The following IRAG1 variants were observed in gnomAD, a reference collection of about 807,000 sequenced individuals.
IRAG1 encodes the protein inositol 1,4,5-triphosphate receptor associated 1, also known as IP3R-associated cGMP kinase substrate.
Under a neutral mutation model 106.2 loss-of-function variants are expected in IRAG1, and 62 were observed. The observed-to-expected ratio is 0.58, with a 90% CI of 0.48 to 0.72. IRAG1 has a LOEUF of 0.72. IRAG1 is among the 30% of genes least tolerant of loss of function. IRAG1 has a pLI of 0.00. For synonymous variants in IRAG1, 462 were observed against 443.9 expected (o/e 1.04, Z -0.51); for missense variants, 1,064 against 1,140.7 (o/e 0.93, Z 0.97).
chr11:10,609,684 G>A (rs763065684), intron 11 of IRAG1, 44 bp downstream of exon 11: 28 of 1,583,932 alleles, frequency 1.8e-5, no homozygotes, highest in Non-Finnish European at 2.2e-5. Flanking sequence ...CAACACAGGG[G>A]CCACTCGGTA....
intron 18 of IRAG1, chr11:10,588,960 T>C (rs868600496): frequency 6.6e-6 from 1 of 152,236 alleles, no homozygotes; most frequent in Non-Finnish European, 1.5e-5. Flanking sequence ...CTTTGTTTTC[T>C]CTTCATCTTC....
rs140610545 is a variant in IRAG1, at chr11:10,641,498, C to T, written c.226-7427G>A. ...TTCACCCGGCTCCACTCCCTCTCACCCTCTGCCTCTCAAACCAATCAATGC... is the reference window on the plus strand; with the variant it reads ...TTCACCCGGCTCCACTCCCTCTCACTCTCTGCCTCTCAAACCAATCAATGC... On this transcript the variant is annotated intron_variant, in intron 2 of 20. Coordinates refer to ENST00000423302, the MANE Select transcript of IRAG1 (RefSeq NM_130385.4). Among the ~76,000 whole-genome samples the T allele has an allele frequency of 3.0e-3, 457 of 152,324 alleles. 4 individuals are homozygous for T. The highest frequency in any genetic ancestry group is 0.01 in the African/African-American group (429 of 41,564).
chr11:10,580,591 TG>T lies in IRAG1; in HGVS notation c.2361-3del, dbSNP rs1409077791. 1.2e-6 allele frequency: 2 copies of T among 1,611,304 alleles called. No individual in the cohort carries two copies. The highest frequency in any genetic ancestry group is 2.2e-5 in the South Asian group (2 of 90,610). ...GTCTTCTTTAGACCTTCTTGGAATCTGGGGGGCAAAAAGGAACAGTTGAGTC... is the reference window on the plus strand; with the variant it reads ...GTCTTCTTTAGACCTTCTTGGAATCTGGGGGCAAAAAGGAACAGTTGAGTC... On this transcript the variant is annotated splice_polypyrimidine_tract_variant and splice_region_variant and intron_variant, in intron 19 of 20. Coordinates refer to ENST00000423302, the MANE Select transcript of IRAG1 (RefSeq NM_130385.4).
Position 10,575,833 on chromosome 11 carries a change from A to G in IRAG1, c.*499T>C, listed in dbSNP as rs1391007117. On this transcript the variant is annotated 3_prime_UTR_variant, in exon 21 of 21. Transcript: ENST00000423302. ...AAAGAATGGGAGGCTGAAGTTATTG[A>G]AAATGAGATGGGAAATGGGAAGATA... 1 of 154,550 alleles carries G rather than the reference A, an allele frequency of 6.5e-6. No individual in the cohort carries two copies. Among genetic ancestry groups the G allele is most frequent in the Non-Finnish European group, 1.4e-5 (1 of 69,436 alleles). The allele number at this position is 154,550 out of a possible 1,614,324, so 9.6% of individuals were successfully genotyped here. A position where few individuals can be genotyped will look rare whatever the true frequency, so the allele number is the denominator to read the frequency against.
chr11:10,612,208 T>C (rs765785211), intron 10 of IRAG1, among the ~76,000 whole-genome samples: 6 of 152,162 alleles, frequency 3.9e-5, no homozygotes, highest in Non-Finnish European at 5.9e-5. Flanking sequence ...TTGGGAAGCA[T>C]TGGGTCAAGT....
At chr11:10,649,563 GCA>G (rs992162516) in intron 2 of IRAG1, among the ~76,000 whole-genome samples, 15 of 152,192 alleles carry the variant, frequency 9.9e-5, no homozygotes, top group African/African-American at 3.6e-4. Context: ...TGGTATGACT[GCA>G]CAGTTTACAT....
Position 10,600,851 on chromosome 11 carries a change from T to A in IRAG1, c.2017+67A>T, listed in dbSNP as rs1026798182. 8 of 1,594,386 alleles carry A rather than the reference T, an allele frequency of 5.0e-6. No individual in the cohort carries two copies. In the Admixed American group the frequency reaches 1.4e-4, roughly 27 times the overall value. On this transcript the variant is annotated intron_variant, in intron 15 of 20. Transcript: ENST00000423302. ...CCTGGGGCTGTTCTGACAGCTCTAA[T>A]CCTAGCCAAGAGCTCTTGGAAGTCC...
chr11:10,583,466 A>T (rs1851598484), intron 18 of IRAG1, among the ~76,000 whole-genome samples: 1 of 152,208 alleles, frequency 6.6e-6, no homozygotes, highest in South Asian at 2.1e-4. Flanking sequence ...AAGCGTGCAG[A>T]CAAGGTGACT....
intron 11 of IRAG1, among the ~76,000 whole-genome samples, chr11:10,607,442 C>T (rs987967625): frequency 1.3e-5 from 2 of 152,184 alleles, no homozygotes; most frequent in East Asian, 3.9e-4. Flanking sequence ...TTGAGCAGCT[C>T]CTCGTCTGTG....
chr11:10,593,674 GCCT>G, intron 16 of IRAG1, 75 bp from the exon 17 acceptor site: 2 of 1,126,706 alleles, frequency 1.8e-6, no homozygotes, highest in South Asian at 2.7e-5. Context: ...CTGGGAAAAA[GCCT>G]CCTCATTTCT....
Position 10,601,022 on chromosome 11 carries a change from T to A in IRAG1, c.1913A>T (p.Gln638Leu), listed in dbSNP as rs1359721878. The part of the protein sequence containing the change: ...RMSKATEVMM[Q>L]YVENLKRTYE... ...CGTCCTCTTTAGATTCTCCACATACTGCATCATCACTTCCGTTGCTTTCGA... is the reference window on the plus strand; with the variant it reads ...CGTCCTCTTTAGATTCTCCACATACAGCATCATCACTTCCGTTGCTTTCGA... The change falls in exon 15 of 21, where the codon CAG becomes CTG. Residue 638 changes from glutamine (Q) to leucine (L), a missense_variant. Gln to Leu is a moderately radical substitution (Grantham distance 113, BLOSUM62 -2). Transcript: ENST00000423302. 1 of 1,614,066 alleles carries A rather than the reference T, an allele frequency of 6.2e-7. No homozygotes were observed. The highest frequency in any genetic ancestry group is 1.7e-5 in the Admixed American group (1 of 60,034).
chr11:10,653,372 G>T (rs1858675239), intron 1 of IRAG1, among the ~76,000 whole-genome samples: 1 of 152,216 alleles, frequency 6.6e-6, no homozygotes, highest in Non-Finnish European at 1.5e-5. Context: ...ATCACTTTGT[G>T]TTGGGTTTTT....
intron 8 of IRAG1, 111 bp downstream of exon 8, chr11:10,627,605 A>G (rs1014269388): frequency 3.7e-5 from 42 of 1,120,354 alleles, no homozygotes; most frequent in Non-Finnish European, 5.6e-5. Context: ...CCCTCCACTC[A>G]TACGTGTGCA....
At chr11:10,682,429 A>G (rs1861329810) in intron 1 of IRAG1, among the ~76,000 whole-genome samples, 2 of 152,208 alleles carry the variant, frequency 1.3e-5, no homozygotes, top group South Asian at 4.1e-4. Context: ...GTCTAATGCA[A>G]CAGATCCTTG....
intron 1 of IRAG1, among the ~76,000 whole-genome samples, chr11:10,677,659 A>C (rs1201993535): frequency 2.6e-5 from 4 of 152,210 alleles, no homozygotes; most frequent in Admixed American, 2.6e-4. Flanking sequence ...AACCATTTTG[A>C]AGTGTACAAT....
In IRAG1 at chr11:10,574,016, C is replaced by T. The variant is rs1229940641; in HGVS notation, c.*2316G>A. 2.0e-5 allele frequency: 3 copies of T among 152,268 alleles called. No individual in the cohort carries two copies. Among genetic ancestry groups the T allele is most frequent in the African/African-American group, 7.2e-5 (3 of 41,446 alleles). The allele number at this position is 152,268 out of a possible 1,614,324, so 9.4% of individuals were successfully genotyped here. ...TTTACCTTAATGGCACATCCTTGAT[C>T]AACCCTGGCTTGGGCCTCAGTCATT... is the stretch of plus-strand genomic sequence containing the variant. On this transcript the variant is annotated 3_prime_UTR_variant, in exon 21 of 21. Transcript: ENST00000423302.
In IRAG1 at chr11:10,672,631, T is replaced by A. The variant is rs181196921; in HGVS notation, c.68-20449A>T. On this transcript the variant is annotated intron_variant, in intron 1 of 20. Transcript: ENST00000423302. ...AATTAAAACAGCAATAAGGTACCAC[T>A]TTACACCCATGAGGGTGGTTAAAAT... Among the ~76,000 whole-genome samples the A allele has an allele frequency of 3.3e-5, 5 of 152,284 alleles. No individual in the cohort carries two copies. The East Asian group carries it at 9.7e-4, about 29-fold the overall frequency.
chr11:10,631,894 GC>G (rs1856719447), intron 4 of IRAG1, 96 bp downstream of exon 4: 1 of 949,556 alleles, frequency 1.1e-6, no homozygotes, highest in Admixed American at 1.8e-5. Flanking sequence ...TCGGGAGGGA[GC>G]GCCTTAAAGA....
chr11:10,589,897 C>T (rs1208820063), intron 18 of IRAG1, among the ~76,000 whole-genome samples: 1 of 152,216 alleles, frequency 6.6e-6, no homozygotes, highest in Non-Finnish European at 1.5e-5. Flanking sequence ...TTCATGTTTT[C>T]ATGATCCCCA....
Sources: allele counts gnomAD v4.1 joint callset (sites outside exome capture counted in the v4.1 genomes callset), GRCh38; gene constraint gnomAD v4.1.1; transcripts MANE v1.5; gene names NCBI Gene and HGNC (gene_info 2026-07-23, HGNC 2026-07-21).